Variants in FAAH2 observed in about 807,000 individuals in gnomAD.
FAAH2 encodes the protein fatty-acid amide hydrolase 2.
A neutral mutation model predicts 36.9 loss-of-function variants in FAAH2; 60 were observed. The observed-to-expected ratio is 1.63, with a 90% confidence interval of 1.32 to 2.02. FAAH2 has a LOEUF of 2.02. FAAH2 is among the 30% of genes most tolerant of loss of function. The probability of loss-of-function intolerance (pLI) is 0.00; values close to 1 mark genes in which losing one functional copy is unlikely to be tolerated. For missense variants in FAAH2, 689 were observed against 397.5 expected (o/e 1.73, Z -6.23); for synonymous variants, 214 against 143.8 (o/e 1.49, Z -3.49).
intron 10 of FAAH2, among the ~76,000 whole-genome samples, chrX:57,449,511 G>T (rs1275055096): frequency 8.9e-6 from 1 of 111,815 alleles, no homozygotes; most frequent in Non-Finnish European, 1.9e-5. Context: ...AAGATTAAAT[G>T]AAATAATACG....
the FAAH2 span, among the ~76,000 whole-genome samples, chrX:57,217,715 G>A: frequency 1.8e-5 from 2 of 111,998 alleles, no homozygotes; most frequent in African/African-American, 6.5e-5. Context: ...CAGGTAGTGT[G>A]ATGCCTGCAG....
At chrX:57,178,467 A>T in the FAAH2 span, among the ~76,000 whole-genome samples, 1 of 111,289 alleles carries the variant, frequency 9.0e-6, no homozygotes, top group Non-Finnish European at 1.9e-5. Flanking sequence ...TGTTACCCAG[A>T]AGAGGTACTC....
chrX:57,461,193 C>A (rs776316424), intron 10 of FAAH2, among the ~76,000 whole-genome samples: 1 of 109,930 alleles, frequency 9.1e-6, no homozygotes, highest in Non-Finnish European at 1.9e-5. Flanking sequence ...TAGACTCCCA[C>A]ACAATAATAG....
the FAAH2 span, among the ~76,000 whole-genome samples, chrX:57,249,222 ACAGT>A: frequency 9.0e-6 from 1 of 111,724 alleles, no homozygotes; most frequent in African/African-American, 3.3e-5. Context: ...AGCAACCAGA[ACAGT>A]CAGTTTCCAC....
chrX:57,283,091 G>C (rs746069340), upstream of FAAH2, among the ~76,000 whole-genome samples: 1 of 112,415 alleles, frequency 8.9e-6, no homozygotes, highest in African/African-American at 3.2e-5. Context: ...CAAGCCATGG[G>C]AACCTGCCTG....
chrX:57,251,920 A>T, the FAAH2 span, among the ~76,000 whole-genome samples: 7 of 111,617 alleles, frequency 6.3e-5, no homozygotes, highest in Non-Finnish European at 1.1e-4. Flanking sequence ...AGGAAGTGCA[A>T]GGGGTCAGGG....
At chrX:57,169,082 A>G in the FAAH2 span, among the ~76,000 whole-genome samples, 10 of 111,166 alleles carry the variant, frequency 9.0e-5, 1 homozygote, top group South Asian at 3.5e-3. Flanking sequence ...GTGTCTTCAC[A>G]TGGCTTTGCT....
the FAAH2 span, among the ~76,000 whole-genome samples, chrX:57,256,665 C>T: frequency 9.0e-6 from 1 of 111,683 alleles, no homozygotes; most frequent in African/African-American, 3.3e-5. Context: ...ACACCAAAAG[C>T]TATGGCAACA....
the FAAH2 span, among the ~76,000 whole-genome samples, chrX:57,274,084 C>A: frequency 1.8e-5 from 2 of 111,446 alleles, no homozygotes; most frequent in Non-Finnish European, 3.8e-5. Context: ...GGGATATCAC[C>A]ACTGATCCCA....
At chrX:57,424,993 A>G (rs984600484) in intron 7 of FAAH2, among the ~76,000 whole-genome samples, 4 of 111,466 alleles carry the variant, frequency 3.6e-5, no homozygotes, top group Non-Finnish European at 7.5e-5. Context: ...TAAAAAATCA[A>G]TTAAGGATAT....
intron 2 of FAAH2, among the ~76,000 whole-genome samples, chrX:57,299,749 T>A (rs1569240177): frequency 1.8e-5 from 2 of 111,945 alleles, no homozygotes; most frequent in Non-Finnish European, 3.8e-5. Flanking sequence ...ATATGCAACT[T>A]CAGCAAAGTC....
At chrX:57,279,383 A>G in the FAAH2 span, among the ~76,000 whole-genome samples, 1 of 112,323 alleles carries the variant, frequency 8.9e-6, no homozygotes, top group African/African-American at 3.2e-5. Flanking sequence ...GTTCTCACTC[A>G]TAAGTGGGAG....
the FAAH2 span, among the ~76,000 whole-genome samples, chrX:57,209,261 G>T: frequency 8.9e-6 from 1 of 111,798 alleles, no homozygotes; most frequent in African/African-American, 3.3e-5. Context: ...TTGGCTCCAT[G>T]GCCACCACAG....
chrX:57,340,938 A>T (rs996940077), intron 4 of FAAH2, among the ~76,000 whole-genome samples: 12 of 110,308 alleles, frequency 1.1e-4, no homozygotes, highest in African/African-American at 4.0e-4. Context: ...CTGCACATGA[A>T]CCCCAGAACT....
At chrX:57,177,013 T>TA in the FAAH2 span, among the ~76,000 whole-genome samples, 567 of 107,686 alleles carry the variant, frequency 5.3e-3, 2 homozygotes, top group South Asian at 0.012. Context: ...AGTTTGCACT[T>TA]AAAAAAAAAA....
the FAAH2 span, among the ~76,000 whole-genome samples, chrX:57,221,982 AC>A: frequency 9.0e-6 from 1 of 110,571 alleles, no homozygotes; most frequent in South Asian, 3.9e-4. Context: ...AACTGCAACT[AC>A]CATACTATCT....
At chrX:57,442,795 G>A (rs1258121735) in intron 8 of FAAH2, among the ~76,000 whole-genome samples, 1 of 111,624 alleles carries the variant, frequency 9.0e-6, no homozygotes. Flanking sequence ...GCTCTTGTAA[G>A]GCAGGCCTGG....
chrX:57,323,240 A>C (rs1462699150), intron 3 of FAAH2, among the ~76,000 whole-genome samples: 2 of 111,505 alleles, frequency 1.8e-5, no homozygotes, highest in Non-Finnish European at 3.8e-5. Context: ...TCATTGTTGG[A>C]CATTTGGGTT....
the FAAH2 span, among the ~76,000 whole-genome samples, chrX:57,151,724 G>C: frequency 9.0e-6 from 1 of 110,960 alleles, no homozygotes; most frequent in East Asian, 2.9e-4. Context: ...CTGTAGCTCG[G>C]AGTAGTTTGA....
Sources: gnomAD v4.1 joint callset for allele counts (sites outside exome capture counted in the v4.1 genomes callset) on GRCh38, gnomAD v4.1.1 for gene constraint, MANE v1.5 for transcripts, NCBI Gene and HGNC (gene_info 2026-07-23, HGNC 2026-07-21) for gene names.